METTL14: variants seen among roughly 807,000 people sequenced by gnomAD.
METTL14 encodes the protein N(6)-adenosine-methyltransferase non-catalytic subunit METTL14.
Under a neutral mutation model 62.4 loss-of-function variants are expected in METTL14, and 32 were observed. The observed-to-expected ratio is 0.51, with a 90% CI of 0.39 to 0.69. METTL14 has a LOEUF of 0.69. Ranked by LOEUF, METTL14 falls within the 30% of genes least tolerant of loss-of-function variation. METTL14 has a pLI of 0.00. For synonymous variants in METTL14, 150 were observed against 180.0 expected, an observed-to-expected ratio of 0.83 and a Z score of 1.34; for missense variants, 340 against 551.9, an observed-to-expected ratio of 0.62 and a Z score of 3.85.
rs1353057430 is a variant in METTL14 at position 118,713,924 on chromosome 4, A to ATTGG, written c.*3623_*3626dup. ...AAAACTACCTCATTCAATCTAGATA[A>ATTGG]TTGGGACATCCTTTTCCAGTAAACC... On this transcript the variant is annotated 3_prime_UTR_variant, in exon 11 of 11. Transcript: ENST00000388822. 1 of 152,224 alleles carries ATTGG rather than the reference A, an allele frequency of 6.6e-6. No individual in the cohort carries two copies. The highest frequency in any genetic ancestry group is 1.5e-5 in the Non-Finnish European group (1 of 68,030). 9.4% of individuals were successfully genotyped at this position (152,224 alleles called of 1,614,324 possible). A position where few individuals can be genotyped will look rare whatever the true frequency, so the allele number is the denominator to read the frequency against.
At chr4:118,704,880 C>T (rs943957254) in intron 9 of METTL14, among the ~76,000 whole-genome samples, 1 of 152,144 alleles carries the variant, frequency 6.6e-6, no homozygotes, top group African/African-American at 2.4e-5. Flanking sequence ...GTCAGAAGCA[C>T]AGGTGACAAT....
At chr4:118,699,315 C>T (rs1724517627) in intron 7 of METTL14, among the ~76,000 whole-genome samples, 1 of 152,072 alleles carries the variant, frequency 6.6e-6, no homozygotes, top group Non-Finnish European at 1.5e-5. Flanking sequence ...TTGTATGGCT[C>T]CTATAATGTA....
At chr4:118,708,598 T>A (rs1724829897) in intron 10 of METTL14, among the ~76,000 whole-genome samples, 1 of 151,590 alleles carries the variant, frequency 6.6e-6, no homozygotes, top group Non-Finnish European at 1.5e-5. Context: ...AAACTAAAAA[T>A]GTTTTAAAAA....
intron 4 of METTL14, 76 bp from the exon 5 acceptor site, chr4:118,691,905 A>T: frequency 1.1e-6 from 1 of 921,144 alleles, no homozygotes; most frequent in Non-Finnish European, 1.7e-6. Context: ...ATCACCTTGT[A>T]ATAGAAAACA....
chr4:118,713,067 C>A lies in METTL14; in HGVS notation c.*2765C>A. 6.6e-6 allele frequency: 1 copy of A among 152,212 alleles called. No homozygotes were observed. Among genetic ancestry groups the A allele is most frequent in the Non-Finnish European group, 1.5e-5 (1 of 68,052 alleles). The allele number at this position is 152,212 out of a possible 1,614,324, so 9.4% of individuals were successfully genotyped here. A position where few individuals can be genotyped will look rare whatever the true frequency, so the allele number is the denominator to read the frequency against. On this transcript the variant is annotated 3_prime_UTR_variant, in exon 11 of 11. Coordinates refer to ENST00000388822, the MANE Select transcript of METTL14 (RefSeq NM_020961.4). The stretch of plus-strand genomic sequence containing the variant: ...CATGAAACAGCACAGTGTGAGAGGT[C>A]AAGGTGTCAACCTGGGAAGTGAGAA...
chr4:118,700,316 G>A (rs1724551129), intron 7 of METTL14, among the ~76,000 whole-genome samples: 1 of 152,064 alleles, frequency 6.6e-6, no homozygotes, highest in South Asian at 2.1e-4. Flanking sequence ...CCATATAACA[G>A]CAAGTGTATA....
chr4:118,704,386 G>A (rs187256424), intron 9 of METTL14, among the ~76,000 whole-genome samples: 4 of 152,248 alleles, frequency 2.6e-5, no homozygotes, highest in African/African-American at 9.6e-5. Flanking sequence ...GACTCGAGTT[G>A]GCCAGCTTAG....
chr4:118,706,457 A>G (rs1334601885), intron 10 of METTL14, among the ~76,000 whole-genome samples: 4 of 152,186 alleles, frequency 2.6e-5, no homozygotes, highest in African/African-American at 7.2e-5. Context: ...ATAATATTCC[A>G]TTGGATGTAC....
Position 118,689,430 on chromosome 4 carries a change from A to G in METTL14, c.216A>G (p.Thr72=). The stretch of plus-strand genomic sequence containing the variant: ...GTAAGTATCTGGATGAAGGAGAGAC[A>G]GATGAAGACAAAATGGAAGAATATA... ...AKRKYLDEGE[T]DEDKMEEYKD... is the part of the protein sequence containing the mutation. Residue 72 remains threonine (T), a synonymous_variant, in exon 3 of 11, where the codon ACA becomes ACG. Coordinates refer to ENST00000388822, the MANE Select transcript of METTL14 (RefSeq NM_020961.4). The G allele has an allele frequency of 6.2e-7, 1 of 1,602,612 alleles. No individual in the cohort carries two copies. The highest frequency in any genetic ancestry group is 8.5e-7 in the Non-Finnish European group (1 of 1,172,936).
intron 5 of METTL14, among the ~76,000 whole-genome samples, chr4:118,693,159 C>T (rs1724305728): frequency 6.6e-6 from 1 of 152,100 alleles, no homozygotes; most frequent in Non-Finnish European, 1.5e-5. Context: ...TTACTATTAT[C>T]TGTTTTTTAT....
intron 10 of METTL14, 104 bp from the exon 11 acceptor site, chr4:118,709,894 T>TGG: frequency 9.2e-7 from 1 of 1,092,214 alleles, no homozygotes; most frequent in Non-Finnish European, 1.3e-6. Flanking sequence ...GGATGAATGA[T>TGG]GGGGACATCT....
At chr4:118,706,091 T>G (rs1724748721) in intron 10 of METTL14, among the ~76,000 whole-genome samples, 1 of 152,192 alleles carries the variant, frequency 6.6e-6, no homozygotes, top group Admixed American at 6.6e-5. Context: ...TGAACCTACA[T>G]TGACACATCA....
chr4:118,698,452 CAAA>C (rs70941202), intron 7 of METTL14, among the ~76,000 whole-genome samples: 127 of 76,614 alleles, frequency 1.7e-3, no homozygotes, highest in Middle Eastern at 8.8e-3. Context: ...GACTCTGTCT[CAAA>C]AAAAAAAAAA....
intron 6 of METTL14, among the ~76,000 whole-genome samples, chr4:118,696,003 G>C (rs1466587909): frequency 1.3e-5 from 2 of 150,994 alleles, no homozygotes; most frequent in Non-Finnish European, 3.0e-5. Flanking sequence ...CCAGCTATTC[G>C]GGAGGCAGAG....
chr4:118,692,304 C>A (rs532119706), intron 5 of METTL14, among the ~76,000 whole-genome samples: 1 of 149,856 alleles, frequency 6.7e-6, no homozygotes, highest in Non-Finnish European at 1.5e-5. Context: ...TCTTGGCTCA[C>A]TACAACCTCT....
chr4:118,709,297 A>G (rs1724852108), intron 10 of METTL14, among the ~76,000 whole-genome samples: 1 of 152,200 alleles, frequency 6.6e-6, no homozygotes, highest in South Asian at 2.1e-4. Context: ...CTTAGATTTT[A>G]TATTTATGAA....
At chr4:118,700,299 GCT>G (rs1386461316) in intron 7 of METTL14, among the ~76,000 whole-genome samples, 7 of 152,042 alleles carry the variant, frequency 4.6e-5, no homozygotes, top group Admixed American at 4.6e-4. Context: ...TTTCCTATAA[GCT>G]CTTTCCATAT....
intron 7 of METTL14, 97 bp from the exon 8 acceptor site, chr4:118,700,453 C>T: frequency 1.1e-6 from 1 of 885,330 alleles, no homozygotes; most frequent in Non-Finnish European, 1.8e-6. Context: ...ACTTAAAGAA[C>T]ACATCTATCC....
chr4:118,710,328 T>C lies in METTL14; in HGVS notation c.*26T>C. ...TTGTTGAAGACATTGAACCTATTCA[T>C]CCTCCTCTAACCTTCTTTATTGTAA... On this transcript the variant is annotated 3_prime_UTR_variant, in exon 11 of 11. Coordinates refer to ENST00000388822, the MANE Select transcript of METTL14 (RefSeq NM_020961.4). 6.3e-7 allele frequency: 1 copy of C among 1,583,828 alleles called. No homozygotes were observed. Among genetic ancestry groups the C allele is most frequent in the Non-Finnish European group, 8.6e-7 (1 of 1,166,094 alleles).
Sources: allele counts gnomAD v4.1 joint callset (sites outside exome capture counted in the v4.1 genomes callset), GRCh38; gene constraint gnomAD v4.1.1; transcripts MANE v1.5; gene names NCBI Gene and HGNC (gene_info 2026-07-23, HGNC 2026-07-21).